LIN28B: variants seen among roughly 807,000 people sequenced by gnomAD.
LIN28B encodes protein lin-28 homolog B.
LIN28B carries 5 observed loss-of-function variants against 21.9 expected under a neutral mutation model. That is an observed-to-expected ratio of 0.23 (90% CI 0.12 to 0.48). LIN28B has a LOEUF of 0.48. LIN28B is among the 20% of genes least tolerant of loss of function. The probability of loss-of-function intolerance (pLI) is 0.98; values close to 1 mark genes in which losing one functional copy is unlikely to be tolerated. For missense variants in LIN28B, 245 were observed against 310.5 expected (o/e 0.79, Z 1.58); for synonymous variants, 109 against 111.3 (o/e 0.98, Z 0.13).
At chr6:105,023,939 C>T (rs1771231683) in intron 2 of LIN28B, among the ~76,000 whole-genome samples, 1 of 151,320 alleles carries the variant, frequency 6.6e-6, no homozygotes, top group Admixed American at 6.6e-5. Flanking sequence ...CAAAAGTGCA[C>T]TTAAGAGCTA....
chr6:105,054,248 CTGTT>C (rs1771978332), intron 3 of LIN28B, among the ~76,000 whole-genome samples: 1 of 152,200 alleles, frequency 6.6e-6, no homozygotes, highest in Non-Finnish European at 1.5e-5. Flanking sequence ...TCTCAGTTTT[CTGTT>C]TTTCTCATTT....
intron 2 of LIN28B, among the ~76,000 whole-genome samples, chr6:104,997,105 C>G (rs1218308970): frequency 1.3e-5 from 2 of 151,932 alleles, no homozygotes; most frequent in Non-Finnish European, 2.9e-5. Flanking sequence ...CACGGTGAAG[C>G]CCCATCTCTA....
intron 2 of LIN28B, among the ~76,000 whole-genome samples, chr6:105,012,210 G>C (rs1345169729): frequency 1.3e-5 from 2 of 151,604 alleles, no homozygotes; most frequent in Admixed American, 1.3e-4. Flanking sequence ...GCTCACACCT[G>C]TAATCCCAGC....
chr6:105,003,772 A>G (rs1028415222), intron 2 of LIN28B, among the ~76,000 whole-genome samples: 4 of 152,058 alleles, frequency 2.6e-5, no homozygotes, highest in South Asian at 2.1e-4. Flanking sequence ...TGGCCTCCCA[A>G]AGTGCTGGGA....
intron 2 of LIN28B, among the ~76,000 whole-genome samples, chr6:104,974,662 A>G: frequency 6.6e-6 from 1 of 151,848 alleles, no homozygotes; most frequent in Admixed American, 6.6e-5. Context: ...CTCCACATGA[A>G]TTTAAGTCTC....
intron 2 of LIN28B, among the ~76,000 whole-genome samples, chr6:104,998,071 A>C (rs1201247328): frequency 6.6e-6 from 1 of 152,220 alleles, no homozygotes; most frequent in East Asian, 1.9e-4. Flanking sequence ...TGTTTTAGTC[A>C]TAATTAGAAT....
At chr6:104,982,613 T>C (rs1770249469) in intron 2 of LIN28B, among the ~76,000 whole-genome samples, 3 of 152,164 alleles carry the variant, frequency 2.0e-5, no homozygotes, top group African/African-American at 7.2e-5. Context: ...TTGGTGAACA[T>C]TGACCACCCC....
At chr6:104,971,475 G>C (rs1769983688) in intron 2 of LIN28B, among the ~76,000 whole-genome samples, 1 of 151,926 alleles carries the variant, frequency 6.6e-6, no homozygotes, top group South Asian at 2.1e-4. Context: ...TGAATAATGA[G>C]AGAAACAAAG....
At chr6:104,949,740 A>G (rs1029051688) in intron 2 of LIN28B, among the ~76,000 whole-genome samples, 1 of 152,176 alleles carries the variant, frequency 6.6e-6, no homozygotes, top group African/African-American at 2.4e-5. Flanking sequence ...TTCCTCTTCC[A>G]ATCACTATAC....
At position 105,083,141 on chromosome 6, in the gene LIN28B, A is replaced by C. The variant is rs185957652; in HGVS notation, c.*4358A>C. 20 of 152,784 alleles carry C rather than the reference A, an allele frequency of 1.3e-4. No homozygotes were observed. Among genetic ancestry groups the C allele is most frequent in the Admixed American group, 1.2e-3 (19 of 15,300 alleles). The allele number at this position is 152,784 out of a possible 1,614,324, so 9.5% of individuals were successfully genotyped here. A position where few individuals can be genotyped will look rare whatever the true frequency, so the allele number is the denominator to read the frequency against. The stretch of plus-strand genomic sequence containing the variant: ...ACTGTATGTTTTTAAAAGACAAAAA[A>C]GGGGTAGATGTTTGGAATGCGTTTC... On this transcript the variant is annotated 3_prime_UTR_variant, in exon 4 of 4. Coordinates refer to ENST00000345080, the MANE Select transcript of LIN28B (RefSeq NM_001004317.4).
intron 3 of LIN28B, among the ~76,000 whole-genome samples, chr6:105,071,741 A>G (rs1280877295): frequency 6.6e-6 from 1 of 152,212 alleles, no homozygotes; most frequent in Non-Finnish European, 1.5e-5. Context: ...TTCATACTGC[A>G]GTGTGATTTA....
In LIN28B at chr6:104,938,050, C is replaced by CAAAA. The variant is rs10562331; in HGVS notation, c.18+959_18+962dup. 4.6e-3 allele frequency among the ~76,000 whole-genome samples: 338 copies of CAAAA among 73,706 alleles called. 16 individuals are homozygous for CAAAA. The highest frequency in any genetic ancestry group is 0.019 in the African/African-American group (315 of 16,284). The allele number at this position is 73,706 out of a possible 152,430, so 48.4% of individuals were successfully genotyped here. A position where few individuals can be genotyped will look rare whatever the true frequency, so the allele number is the denominator to read the frequency against. ...GCAACAGAGCAAGAACCTGTCTCTA[C>CAAAA]AAAAAAAAAAAAAAAAAAAAAAAAA... On this transcript the variant is annotated intron_variant, in intron 2 of 5. Coordinates refer to the LIN28B transcript ENST00000635857.
At chr6:105,004,387 C>G (rs1246781417) in intron 2 of LIN28B, among the ~76,000 whole-genome samples, 1 of 152,178 alleles carries the variant, frequency 6.6e-6, no homozygotes, top group Non-Finnish European at 1.5e-5. Flanking sequence ...TCTCCACTCC[C>G]TCTTTCTTTT....
intron 2 of LIN28B, among the ~76,000 whole-genome samples, chr6:104,978,858 A>G (rs1386475425): frequency 6.6e-6 from 1 of 152,120 alleles, no homozygotes; most frequent in African/African-American, 2.4e-5. Context: ...CACTGGGAAA[A>G]GTGGCTCCAC....
At chr6:104,961,568 T>G (rs570909751) in intron 2 of LIN28B, among the ~76,000 whole-genome samples, 1 of 152,062 alleles carries the variant, frequency 6.6e-6, no homozygotes, top group East Asian at 1.9e-4. Context: ...GCCTAGCTAA[T>G]TTTTTGTATT....
chr6:105,014,097 A>G lies in LIN28B; in HGVS notation c.199-12201A>G, dbSNP rs1476533326. Among the ~76,000 whole-genome samples the G allele has an allele frequency of 5.9e-5, 9 of 151,856 alleles. No individual in the cohort carries two copies. In the East Asian group the frequency reaches 1.7e-3, roughly 29 times the overall value. Reference sequence around the variant, plus strand: ...TCTACCAACTTTGAGTTTCCTTTGCACTTTCTGTAGCTTCTTAGTTTGAAA... The same window carrying G: ...TCTACCAACTTTGAGTTTCCTTTGCGCTTTCTGTAGCTTCTTAGTTTGAAA... On this transcript the variant is annotated intron_variant, in intron 2 of 3. Transcript: ENST00000345080.
chr6:105,055,395 T>A (rs1772001960), intron 3 of LIN28B, among the ~76,000 whole-genome samples: 1 of 152,068 alleles, frequency 6.6e-6, no homozygotes, highest in South Asian at 2.1e-4. Flanking sequence ...TCTAAAGCAG[T>A]TGGAATTCAT....
intron 2 of LIN28B, among the ~76,000 whole-genome samples, chr6:104,942,636 G>A (rs1778110203): frequency 6.6e-6 from 1 of 152,020 alleles, no homozygotes; most frequent in South Asian, 2.1e-4. Context: ...TTACACCCTT[G>A]TCCATCTTAG....
chr6:104,987,865 T>G (rs1770379612), intron 2 of LIN28B, among the ~76,000 whole-genome samples: 1 of 152,118 alleles, frequency 6.6e-6, no homozygotes, highest in Non-Finnish European at 1.5e-5. Context: ...TGCCCCAGCC[T>G]TCCGAGTAGC....
Sources: allele counts gnomAD v4.1 joint callset (sites outside exome capture counted in the v4.1 genomes callset), GRCh38; gene constraint gnomAD v4.1.1; transcripts MANE v1.5; gene names NCBI Gene and HGNC (gene_info 2026-07-23, HGNC 2026-07-21).